The following THOC5 variants were observed in gnomAD, a reference collection of about 807,000 sequenced individuals.
THOC5 encodes Fms-interacting protein.
A neutral mutation model predicts 92.9 loss-of-function variants in THOC5; 43 were observed. The observed-to-expected ratio is 0.46, with a 90% CI of 0.36 to 0.60. The LOEUF is 0.60. Ranked by LOEUF, THOC5 falls within the 20% of genes least tolerant of loss-of-function variation. The pLI is 0.00. For synonymous variants in THOC5, 296 were observed against 320.1 expected (o/e 0.92, Z 0.80); for missense variants, 659 against 849.4 (o/e 0.78, Z 2.79).
chr22:29,536,613 G>C lies in THOC5; in HGVS notation c.714+11C>G. On this transcript the variant is annotated intron_variant, in intron 7 of 19. Transcript: ENST00000490103. ...GTGGTGAAGGCAAAGCAAAAGGCCA[G>C]AGGGCCCCACCTGCATGATGCTGTT... The C allele has an allele frequency of 6.4e-7, 1 of 1,560,516 alleles. No individual in the cohort carries two copies. The highest frequency in any genetic ancestry group is 8.8e-7 in the Non-Finnish European group (1 of 1,131,022).
At position 29,544,844 on chromosome 22, in the gene THOC5, A is replaced by G. The variant is rs574474193; in HGVS notation, c.97-241T>C. ...ATCAAAGATTCAGAATATACAGAGG[A>G]GTATCAAAAAGAAAATGGAAAAATT... On this transcript the variant is annotated intron_variant, in intron 2 of 19. Coordinates refer to ENST00000490103, the MANE Select transcript of THOC5 (RefSeq NM_003678.5). Among the ~76,000 whole-genome samples, 11 of 152,340 alleles carry G rather than the reference A, an allele frequency of 7.2e-5. No homozygotes were observed. In the East Asian group the frequency reaches 2.1e-3, roughly 29 times the overall value.
chr22:29,552,337 G>A (rs546025888), intron 1 of THOC5, among the ~76,000 whole-genome samples: 1 of 151,922 alleles, frequency 6.6e-6, no homozygotes, highest in African/African-American at 2.4e-5. Context: ...TCTAGGAAGT[G>A]AGGAGTGTCT....
intron 6 of THOC5, 109 bp from the exon 7 acceptor site, chr22:29,536,847 A>C: frequency 1.4e-6 from 1 of 701,622 alleles, no homozygotes; most frequent in Non-Finnish European, 2.6e-6. Context: ...TTAACTGCCA[A>C]TGTTTATCCA....
chr22:29,517,419 TG>T, intron 15 of THOC5, 53 bp from the exon 16 acceptor site: 1 of 1,512,534 alleles, frequency 6.6e-7, no homozygotes, highest in South Asian at 1.2e-5. Context: ...GTGCCACAGA[TG>T]GGTAACTAGC....
At chr22:29,524,147 C>T (rs1385607432) in intron 12 of THOC5, among the ~76,000 whole-genome samples, 1 of 152,212 alleles carries the variant, frequency 6.6e-6, no homozygotes, top group Non-Finnish European at 1.5e-5. Context: ...GTTTGGGGGT[C>T]AGGGCCCACC....
At chr22:29,512,618 G>C (rs1179218985) in intron 17 of THOC5, among the ~76,000 whole-genome samples, 1 of 152,112 alleles carries the variant, frequency 6.6e-6, no homozygotes, top group Admixed American at 6.5e-5. Context: ...CCAACATGTA[G>C]AGAGTCCTTA....
rs773374359 is a variant in THOC5 at position 29,544,487 on chromosome 22, G to A, written c.213C>T (p.Asp71=). 2 of 1,613,814 alleles carry A rather than the reference G, an allele frequency of 1.2e-6. No individual in the cohort carries two copies. The highest frequency in any genetic ancestry group is 1.1e-5 in the South Asian group (1 of 91,030). ...CATCCTTGCCACCCCTGCTCTTCAGGTCTTGGATCTCAGCCATCAGCCTCT... is the reference window on the plus strand; with the variant it reads ...CATCCTTGCCACCCCTGCTCTTCAGATCTTGGATCTCAGCCATCAGCCTCT... ...ELQRLMAEIQ[D]LKSRGGKDVA... is the part of the protein sequence containing the mutation. Residue 71 remains aspartate (D), a synonymous_variant, in exon 3 of 20, where the codon GAC becomes GAT. Transcript: ENST00000490103.
Position 29,528,805 on chromosome 22 carries a change from G to A in THOC5, c.926-339C>T, listed in dbSNP as rs2146498229. ...AGTAGAAGCATGCATAACTTGAGGG[G>A]GTACTATGTGCTGAGAATTATGCTA... On this transcript the variant is annotated intron_variant, in intron 9 of 19. Transcript: ENST00000490103. 8 of 490,094 alleles carry A rather than the reference G, an allele frequency of 1.6e-5. No homozygotes were observed. The East Asian group carries it at 1.8e-4, about 11-fold the overall frequency. The allele number at this position is 490,094 out of a possible 1,614,324, so 30.4% of individuals were successfully genotyped here.
intron 15 of THOC5, among the ~76,000 whole-genome samples, chr22:29,517,753 G>A (rs59432592): frequency 0.023 from 3,457 of 152,332 alleles, 133 homozygotes; most frequent in African/African-American, 0.08. Flanking sequence ...CAACTGAAGT[G>A]TTGTGTGTCA....
chr22:29,548,907 C>G, intron 2 of THOC5, 145 bp downstream of exon 2: 1 of 663,674 alleles, frequency 1.5e-6, no homozygotes, highest in Non-Finnish European at 2.6e-6. Context: ...AGTGAAGAAA[C>G]AGGAATCCCA....
At chr22:29,517,920 A>G (rs1459511183) in intron 15 of THOC5, among the ~76,000 whole-genome samples, 1 of 152,260 alleles carries the variant, frequency 6.6e-6, no homozygotes, top group Non-Finnish European at 1.5e-5. Context: ...CCGATGGACA[A>G]ACATCAGTGC....
In THOC5 at chr22:29,516,979, T is replaced by C. The variant is rs2074949; in HGVS notation, c.1681+50A>G. Reference sequence around the variant, plus strand: ...TGGGCAGCCCCGGAGAGTGTTTGATTCTTGGCAGCGCCCTTTGTCTAGAAC... The same window carrying C: ...TGGGCAGCCCCGGAGAGTGTTTGATCCTTGGCAGCGCCCTTTGTCTAGAAC... On this transcript the variant is annotated intron_variant, in intron 17 of 19. Transcript: ENST00000490103. 32,832 of 1,592,324 alleles carry C rather than the reference T, an allele frequency of 0.021. 3,727 individuals are homozygous for C. In the East Asian group the frequency reaches 0.38, roughly 18 times the overall value.
At chr22:29,515,410 G>T (rs535275420) in intron 17 of THOC5, among the ~76,000 whole-genome samples, 1 of 152,080 alleles carries the variant, frequency 6.6e-6, no homozygotes, top group Non-Finnish European at 1.5e-5. Context: ...ACTTTTATAC[G>T]TACTGGGAAA....
chr22:29,517,231 C>G, intron 16 of THOC5, 32 bp downstream of exon 16: 3 of 1,610,232 alleles, frequency 1.9e-6, no homozygotes, highest in Non-Finnish European at 2.6e-6. Flanking sequence ...ATCCTCAGGA[C>G]AGTAAGGGTA....
intron 15 of THOC5, 75 bp downstream of exon 15, chr22:29,518,931 G>C: frequency 1.0e-6 from 1 of 984,234 alleles, no homozygotes; most frequent in Non-Finnish European, 1.5e-6. Context: ...TTCAAGTTTT[G>C]AGTGAAAGGC....
At chr22:29,552,642 C>T (rs539905675) in intron 1 of THOC5, among the ~76,000 whole-genome samples, 156 of 148,878 alleles carry the variant, frequency 1.0e-3, no homozygotes, top group Middle Eastern at 3.5e-3. Context: ...TCCGCCTGGC[C>T]GCCACCCCGT....
intron 3 of THOC5, among the ~76,000 whole-genome samples, chr22:29,544,056 T>G (rs2063961088): frequency 6.6e-6 from 1 of 152,208 alleles, no homozygotes; most frequent in African/African-American, 2.4e-5. Flanking sequence ...TTGTTTAATT[T>G]CTCTGCCCCT....
At position 29,525,750 on chromosome 22, in the gene THOC5, C is replaced by T. The variant is rs948464136; in HGVS notation, c.1175+88G>A. ...ACACAGCCGTAGCCCTCTCCAGAGC[C>T]AGAGGGAGGAACCGAGAGCAGCCCC... On this transcript the variant is annotated intron_variant, in intron 12 of 19. Transcript: ENST00000490103. 5.7e-6 allele frequency: 6 copies of T among 1,044,536 alleles called. No homozygotes were observed. In the African/African-American group the frequency reaches 7.8e-5, roughly 14 times the overall value. 64.7% of individuals were successfully genotyped at this position (1,044,536 alleles called of 1,614,324 possible).
intron 6 of THOC5, among the ~76,000 whole-genome samples, chr22:29,537,029 T>C (rs1451846063): frequency 6.6e-6 from 1 of 152,256 alleles, no homozygotes; most frequent in East Asian, 1.9e-4. Flanking sequence ...AACACTGCGC[T>C]AGGCTTTGGA....
Sources: gnomAD v4.1 joint callset for allele counts (sites outside exome capture counted in the v4.1 genomes callset) on GRCh38, gnomAD v4.1.1 for gene constraint, MANE v1.5 for transcripts, NCBI Gene and HGNC (gene_info 2026-07-23, HGNC 2026-07-21) for gene names.